Variants in ZNF860 observed in about 807,000 individuals in gnomAD.
ZNF860 encodes the protein zinc finger protein 860.
For synonymous variants in ZNF860, 206 were observed against 248.9 expected (o/e 0.83, Z 1.62); for missense variants, 641 against 759.2 (o/e 0.84, Z 1.83).
At chr3:32,000,876 T>G in the ZNF860 span, among the ~76,000 whole-genome samples, 1 of 152,304 alleles carries the variant, frequency 6.6e-6, no homozygotes, top group South Asian at 2.1e-4. Flanking sequence ...CTCTAAGACG[T>G]GCAGCTTTCC....
In ZNF860 at chr3:31,989,209, A is replaced by G; in HGVS notation, c.130A>G (p.Thr44Ala). 1.2e-6 allele frequency: 2 copies of G among 1,614,202 alleles called. No homozygotes were observed. The highest frequency in any genetic ancestry group is 1.3e-5 in the African/African-American group (1 of 75,032). Residue 44 changes from threonine to alanine, a missense_variant, in exon 2 of 2, where the codon ACG (threonine) becomes GCG (alanine). Thr to Ala is a moderately conservative substitution (Grantham distance 58). Transcript: ENST00000360311. ...SLEEWKCLDP[T>A]QRALYRAMML... ...GGAGGAGTGGAAATGCCTGGACCCT[A>G]CGCAGAGGGCTTTATACAGGGCCAT... is the stretch of plus-strand genomic sequence containing the variant.
downstream of ZNF860, among the ~76,000 whole-genome samples, chr3:31,995,857 C>G (rs1474942556): frequency 2.6e-5 from 4 of 152,170 alleles, no homozygotes; most frequent in African/African-American, 7.2e-5. Flanking sequence ...GATGAAGTGA[C>G]ATGCAGTTAG....
At chr3:31,992,663 C>A (rs1699046858), downstream of ZNF860, among the ~76,000 whole-genome samples, 1 of 152,132 alleles carries the variant, frequency 6.6e-6, no homozygotes, top group Non-Finnish European at 1.5e-5. Flanking sequence ...ATGATCTTTT[C>A]AACAAGTGAT....
intron 1 of ZNF860, among the ~76,000 whole-genome samples, chr3:31,983,301 A>T (rs570597477): frequency 6.6e-6 from 1 of 152,164 alleles, no homozygotes; most frequent in African/African-American, 2.4e-5. Flanking sequence ...CATGCCTTTT[A>T]TTGGAGACTG....
chr3:31,985,196 A>G (rs549196334), intron 1 of ZNF860, among the ~76,000 whole-genome samples: 1 of 152,332 alleles, frequency 6.6e-6, no homozygotes, highest in South Asian at 2.1e-4. Flanking sequence ...CCAAGATCAC[A>G]CCATTGCACT....
chr3:31,990,966 G>C lies in ZNF860; in HGVS notation c.1887G>C (p.Lys629Asn), dbSNP rs758113912. 6.4e-7 allele frequency: 1 copy of C among 1,573,884 alleles called. No individual in the cohort carries two copies. The highest frequency in any genetic ancestry group is 1.2e-5 in the South Asian group (1 of 85,688). The change falls in exon 2 of 2, where the codon AAG becomes AAC. Residue 629 changes from lysine (K) to asparagine (N), a missense_variant. Coordinates refer to ENST00000360311, the MANE Select transcript of ZNF860 (RefSeq NM_001137674.3). Reference sequence around the variant, plus strand: ...CTTACAAATGTCATAAGCGTGGCAAGGTCTTCAGTTAGAGGTCACTCCTTG... The same window carrying C: ...CTTACAAATGTCATAAGCGTGGCAACGTCTTCAGTTAGAGGTCACTCCTTG... The part of the protein sequence containing the change: ...QKSYKCHKRG[K>N]VFS
chr3:31,996,506 A>AG (rs1699091090), downstream of ZNF860, among the ~76,000 whole-genome samples: 3 of 146,328 alleles, frequency 2.1e-5, no homozygotes, highest in Non-Finnish European at 1.5e-5. Flanking sequence ...CCAGGGGGAG[A>AG]AGGGGGTTAG....
At chr3:32,000,425 T>C in the ZNF860 span, among the ~76,000 whole-genome samples, 7 of 152,204 alleles carry the variant, frequency 4.6e-5, no homozygotes, top group South Asian at 1.2e-3. Context: ...CTCAGTCTCC[T>C]TAACGGTCAT....
chr3:31,983,539 G>C (rs915732546), intron 1 of ZNF860, among the ~76,000 whole-genome samples: 1 of 152,250 alleles, frequency 6.6e-6, no homozygotes, highest in African/African-American at 2.4e-5. Flanking sequence ...GAGCAAGCCA[G>C]CCGTATGGGA....
chr3:31,990,009 A>G lies in ZNF860; in HGVS notation c.930A>G (p.Gly310=), dbSNP rs1377999913. 1.2e-6 allele frequency: 2 copies of G among 1,614,058 alleles called. No individual in the cohort carries two copies. Among genetic ancestry groups the G allele is most frequent in the Non-Finnish European group, 1.7e-6 (2 of 1,180,030 alleles). ...CAAGTCATCATAGACTTCATACTGG[A>G]GAGAAACCTTACAAATGTGAAGAAT... ...NLASHHRLHT[G]EKPYKCEECD... The change falls in exon 2 of 2, where the codon GGA becomes GGG. Residue 310 remains glycine, a synonymous_variant. Transcript: ENST00000360311.
At chr3:31,983,949 A>C (rs909873436) in intron 1 of ZNF860, among the ~76,000 whole-genome samples, 3 of 152,240 alleles carry the variant, frequency 2.0e-5, no homozygotes, top group Non-Finnish European at 4.4e-5. Context: ...TAACAATTGT[A>C]GGGCCAGCCA....
chr3:31,995,715 G>A (rs867344145), downstream of ZNF860, among the ~76,000 whole-genome samples: 1 of 152,200 alleles, frequency 6.6e-6, no homozygotes, highest in East Asian at 1.9e-4. Context: ...TATTAGGGAA[G>A]TGATAAATGT....
chr3:31,999,141 C>A, the ZNF860 span, among the ~76,000 whole-genome samples: 1 of 152,168 alleles, frequency 6.6e-6, no homozygotes, highest in African/African-American at 2.4e-5. Context: ...CCTCTGCTGT[C>A]TGGAGGGCAT....
downstream of ZNF860, among the ~76,000 whole-genome samples, chr3:31,993,273 G>C (rs910823179): frequency 1.3e-5 from 2 of 151,412 alleles, no homozygotes; most frequent in Admixed American, 1.3e-4. Context: ...GCAATGGCAC[G>C]ATCTCAGCTC....
the ZNF860 span, among the ~76,000 whole-genome samples, chr3:32,003,949 G>C: frequency 6.6e-6 from 1 of 152,132 alleles, no homozygotes; most frequent in Non-Finnish European, 1.5e-5. Flanking sequence ...GTTTTTCTCT[G>C]CAAAACAACA....
intron 1 of ZNF860, among the ~76,000 whole-genome samples, chr3:31,983,585 C>T (rs1178410119): frequency 2.0e-5 from 3 of 152,176 alleles, no homozygotes; most frequent in Non-Finnish European, 4.4e-5. Flanking sequence ...AGCAGATGTG[C>T]TGAAAGTAGA....
downstream of ZNF860, among the ~76,000 whole-genome samples, chr3:31,994,516 G>GGATA (rs1282879421): frequency 6.6e-6 from 1 of 152,086 alleles, no homozygotes; most frequent in Non-Finnish European, 1.5e-5. Context: ...ATGGATGGAT[G>GGATA]GATGGATGGA....
the ZNF860 span, among the ~76,000 whole-genome samples, chr3:32,001,096 C>T: frequency 1.3e-3 from 198 of 152,256 alleles, 2 homozygotes; most frequent in African/African-American, 4.5e-3. Flanking sequence ...CATCTAGGGG[C>T]GCTGTTGTCT....
chr3:31,996,710 A>G (rs1699093311), downstream of ZNF860, among the ~76,000 whole-genome samples: 1 of 152,226 alleles, frequency 6.6e-6, no homozygotes, highest in African/African-American at 2.4e-5. Context: ...CAATTTTTAT[A>G]GGTTGAAACT....
Sources: allele counts gnomAD v4.1 joint callset (sites outside exome capture counted in the v4.1 genomes callset), GRCh38; gene constraint gnomAD v4.1.1; transcripts MANE v1.5; gene names NCBI Gene and HGNC (gene_info 2026-07-23, HGNC 2026-07-21).